The following CSMD3 variants were observed in gnomAD, a reference collection of about 807,000 sequenced individuals.
CSMD3 encodes CUB and Sushi multiple domains 3.
A neutral mutation model predicts 435.2 loss-of-function variants in CSMD3; 177 were observed. The ratio of observed to expected loss-of-function variants is 0.41; its 90% confidence interval spans 0.36 to 0.46. The LOEUF (loss-of-function observed/expected upper bound fraction) is 0.46. Among genes scored for constraint, CSMD3 ranks in the 20% least tolerant of loss-of-function variants. The pLI, the probability that CSMD3 is intolerant of heterozygous loss-of-function variation, is 0.34. For synonymous variants in CSMD3, 1,656 were observed against 1,520.5 expected, an observed-to-expected ratio of 1.09 and a Z score of -2.07; for missense variants, 4,265 against 4,504.6, an observed-to-expected ratio of 0.95 and a Z score of 1.52.
chr8:113,293,112 A>G (rs143617892), intron 2 of CSMD3, among the ~76,000 whole-genome samples: 2 of 151,730 alleles, frequency 1.3e-5, no homozygotes, highest in South Asian at 4.1e-4. Flanking sequence ...ACAAAATTTT[A>G]CTATTTATAC....
At chr8:112,594,782 C>T (rs1831535227) in intron 22 of CSMD3, among the ~76,000 whole-genome samples, 1 of 152,152 alleles carries the variant, frequency 6.6e-6, no homozygotes, top group South Asian at 2.1e-4. Context: ...CAGGGTACTC[C>T]AACAGACCTG....
chr8:113,383,433 G>A (rs1289600870), intron 1 of CSMD3, among the ~76,000 whole-genome samples: 1 of 152,154 alleles, frequency 6.6e-6, no homozygotes, highest in Non-Finnish European at 1.5e-5. Flanking sequence ...ATCACTAGTA[G>A]AAGTGGAAAT....
At chr8:112,234,273 T>A in intron 68 of CSMD3, 92 bp downstream of exon 68, 3 of 787,022 alleles carry the variant, frequency 3.8e-6, no homozygotes, top group Non-Finnish European at 6.7e-6. Flanking sequence ...TATGTATTCA[T>A]AATTAGCTAA....
intron 4 of CSMD3, among the ~76,000 whole-genome samples, chr8:113,103,602 A>G (rs182408676): frequency 1.4e-4 from 21 of 152,260 alleles, no homozygotes; most frequent in African/African-American, 4.8e-4. Flanking sequence ...GTAAGTTCTT[A>G]GTGAATTTAA....
At chr8:112,638,665 G>A (rs1246231654) in intron 21 of CSMD3, 31 bp downstream of exon 21, 1 of 1,320,734 alleles carries the variant, frequency 7.6e-7, no homozygotes, top group Non-Finnish European at 1.1e-6. Flanking sequence ...AAAAGTTACT[G>A]AATGAGCCCT....
chr8:113,344,904 C>T (rs897362663), intron 1 of CSMD3, among the ~76,000 whole-genome samples: 30 of 151,984 alleles, frequency 2.0e-4, no homozygotes, highest in African/African-American at 7.0e-4. Flanking sequence ...TATTATTGTA[C>T]ATCACTTTAC....
chr8:112,702,368 C>A (rs1157906324), intron 13 of CSMD3, among the ~76,000 whole-genome samples: 1 of 152,058 alleles, frequency 6.6e-6, no homozygotes, highest in Non-Finnish European at 1.5e-5. Flanking sequence ...CAAGAACATA[C>A]AAAAGTATAT....
At chr8:112,249,938 T>G (rs992719261) in intron 63 of CSMD3, among the ~76,000 whole-genome samples, 2 of 151,946 alleles carry the variant, frequency 1.3e-5, no homozygotes, top group African/African-American at 4.8e-5. Context: ...TACTCATCCT[T>G]GTGCACCTTG....
intron 5 of CSMD3, among the ~76,000 whole-genome samples, chr8:113,020,815 C>T (rs943622219): frequency 6.6e-6 from 1 of 152,064 alleles, no homozygotes; most frequent in Non-Finnish European, 1.5e-5. Flanking sequence ...GCTAGGGGAA[C>T]AGTAGAAGGA....
At chr8:112,913,558 A>C (rs2082487437) in intron 10 of CSMD3, among the ~76,000 whole-genome samples, 1 of 151,872 alleles carries the variant, frequency 6.6e-6, no homozygotes, top group Non-Finnish European at 1.5e-5. Flanking sequence ...CTAACTTTTA[A>C]AACTCTTGGC....
At chr8:112,742,646 C>T (rs1450329771) in intron 13 of CSMD3, among the ~76,000 whole-genome samples, 4 of 151,730 alleles carry the variant, frequency 2.6e-5, no homozygotes, top group Admixed American at 1.3e-4. Flanking sequence ...TTTTGCTCTG[C>T]CCAAATTCAT....
At chr8:112,472,206 C>T (rs1818584133) in intron 32 of CSMD3, among the ~76,000 whole-genome samples, 1 of 152,092 alleles carries the variant, frequency 6.6e-6, no homozygotes, top group African/African-American at 2.4e-5. Context: ...TTTGTAAATA[C>T]TTTTGTTACT....
intron 13 of CSMD3, among the ~76,000 whole-genome samples, chr8:112,760,257 T>C (rs2077806157): frequency 6.6e-6 from 1 of 152,216 alleles, no homozygotes; most frequent in South Asian, 2.1e-4. Flanking sequence ...ATGTACTTTT[T>C]ATTCTTCAAG....
At chr8:112,846,970 T>C (rs2080340857) in intron 11 of CSMD3, among the ~76,000 whole-genome samples, 1 of 151,942 alleles carries the variant, frequency 6.6e-6, no homozygotes, top group Non-Finnish European at 1.5e-5. Context: ...TGACCAGAGC[T>C]ACTTTTCTTG....
intron 12 of CSMD3, among the ~76,000 whole-genome samples, chr8:112,827,711 A>T (rs763627519): frequency 6.6e-6 from 1 of 152,192 alleles, no homozygotes; most frequent in African/African-American, 2.4e-5. Flanking sequence ...GAATAAATTG[A>T]TAAAGAAAGC....
intron 5 of CSMD3, among the ~76,000 whole-genome samples, chr8:113,028,794 T>C (rs1363280629): frequency 1.3e-5 from 2 of 151,522 alleles, no homozygotes; most frequent in East Asian, 3.9e-4. Flanking sequence ...GGTTGGTTCA[T>C]GAAGCTTAAG....
intron 5 of CSMD3, among the ~76,000 whole-genome samples, chr8:113,077,520 G>A (rs1473430004): frequency 6.6e-6 from 1 of 151,980 alleles, no homozygotes; most frequent in Non-Finnish European, 1.5e-5. Flanking sequence ...TGATCAACAT[G>A]GCGAAACCCC....
intron 50 of CSMD3, among the ~76,000 whole-genome samples, chr8:112,308,472 TA>T (rs2130800136): frequency 1.3e-5 from 2 of 152,130 alleles, no homozygotes; most frequent in African/African-American, 4.8e-5. Context: ...TGCCTATGGA[TA>T]GTTAACAATT....
intron 37 of CSMD3, among the ~76,000 whole-genome samples, chr8:112,382,197 T>C (rs891000309): frequency 4.0e-5 from 6 of 150,266 alleles, no homozygotes. Flanking sequence ...AACAGATGGA[T>C]TACTTGAGCC....
Sources: gnomAD v4.1 joint callset for allele counts (sites outside exome capture counted in the v4.1 genomes callset) on GRCh38, gnomAD v4.1.1 for gene constraint, MANE v1.5 for transcripts, NCBI Gene and HGNC (gene_info 2026-07-23, HGNC 2026-07-21) for gene names.